The following DPEP3 variants were observed in gnomAD, a reference collection of about 807,000 sequenced individuals.
DPEP3 encodes the protein dipeptidase 3, also known as membrane-bound dipeptidase 3.
A neutral mutation model predicts 47.5 loss-of-function variants in DPEP3; 42 were observed. The ratio of observed to expected loss-of-function variants is 0.88; its 90% CI spans 0.69 to 1.14. The LOEUF (loss-of-function observed/expected upper bound fraction) is 1.14, where lower values mean the gene tolerates loss of function less well. DPEP3 is among the 50% of genes most tolerant of loss of function. The pLI is 0.00. For synonymous variants in DPEP3, 276 were observed against 270.2 expected (o/e 1.02, Z -0.21); for missense variants, 560 against 635.0 (o/e 0.88, Z 1.27).
chr16:67,977,395 T>G (rs754235984), intron 6 of DPEP3, 41 bp from the exon 7 acceptor site: 2 of 1,590,460 alleles, frequency 1.3e-6, no homozygotes, highest in Non-Finnish European at 1.7e-6. Context: ...CCTTCTGGCC[T>G]GAGAACATGC....
Position 67,977,925 on chromosome 16 carries a change from C to A in DPEP3, c.756+13G>T. 1 of 1,613,960 alleles carries A rather than the reference C, an allele frequency of 6.2e-7. No homozygotes were observed. Among genetic ancestry groups the A allele is most frequent in the African/African-American group, 1.3e-5 (1 of 75,028 alleles). ...GCAGCAGGTGGGTTGGGGTACAAAA[C>A]AGGAGTCCTCACCTCACCAAAGCTT... On this transcript the variant is annotated intron_variant, in intron 5 of 9. Transcript: ENST00000268793.
rs777266549 is a variant in DPEP3 at position 67,978,538 on chromosome 16, C to G, written c.503G>C (p.Cys168Ser). 6.2e-7 allele frequency: 1 copy of G among 1,614,110 alleles called. No individual in the cohort carries two copies. The highest frequency in any genetic ancestry group is 1.1e-5 in the South Asian group (1 of 91,080). ...AAGCTCGAGTTCAGAGTAGGAGGCA[C>G]ACATGCGGTGAATGAGGTCAATCTG... is the stretch of plus-strand genomic sequence containing the variant. ...LEQIDLIHRM[C>S]ASYSELELVT... The change falls in exon 3 of 10, where the codon TGT (cysteine) becomes TCT (serine). Residue 168 changes from cysteine (C) to serine (S), a missense_variant. Coordinates refer to ENST00000268793, the MANE Select transcript of DPEP3 (RefSeq NM_001370198.1). This position sits in a 1 kb window ranked among gnomAD's most constrained non-coding sequence, Gnocchi z 4.4.
At position 67,977,918 on chromosome 16, in the gene DPEP3, T is replaced by G; in HGVS notation, c.756+20A>C. The G allele has an allele frequency of 1.2e-6, 2 of 1,613,814 alleles. No individual in the cohort carries two copies. Among genetic ancestry groups the G allele is most frequent in the Non-Finnish European group, 8.5e-7 (1 of 1,179,846 alleles). On this transcript the variant is annotated intron_variant, in intron 5 of 9. Transcript: ENST00000268793. ...TCCGTAGGCAGCAGGTGGGTTGGGGTACAAAACAGGAGTCCTCACCTCACC... is the reference window on the plus strand; with the variant it reads ...TCCGTAGGCAGCAGGTGGGTTGGGGGACAAAACAGGAGTCCTCACCTCACC...
At chr16:67,977,231 G>A (rs1239478264) in intron 7 of DPEP3, 39 bp downstream of exon 7, 1 of 1,597,404 alleles carries the variant, frequency 6.3e-7, no homozygotes, top group Non-Finnish European at 8.6e-7. Flanking sequence ...GGCAGCCACA[G>A]CCCAAGCCAG....
chr16:67,980,187 G>A lies in DPEP3; in HGVS notation c.194C>T (p.Thr65Ile). Residue 65 changes from threonine to isoleucine, a missense_variant, in exon 1 of 10, where the codon ACT (threonine) becomes ATT (isoleucine). Physicochemically the swap from Thr to Ile is moderately conservative, Grantham distance 89 (BLOSUM62 -1). Transcript: ENST00000268793. ...GCCTGGCGTAGTGAGGCCTGGGGTAGTGAGGGCGCTGGGGACACCCGGCGT... is the reference window on the plus strand; with the variant it reads ...GCCTGGCGTAGTGAGGCCTGGGGTAATGAGGGCGCTGGGGACACCCGGCGT... ...FTTPGVPSAL[T>I]TPGLTTPGTP... 1 of 1,611,574 alleles carries A rather than the reference G, an allele frequency of 6.2e-7. No individual in the cohort carries two copies. The highest frequency in any genetic ancestry group is 8.5e-7 in the Non-Finnish European group (1 of 1,178,798).
At chr16:67,976,883 G>A (rs904069085) in intron 7 of DPEP3, 108 bp from the exon 8 acceptor site, 8 of 916,486 alleles carry the variant, frequency 8.7e-6, no homozygotes, top group Non-Finnish European at 1.0e-5. Context: ...CTAGCTCATG[G>A]CCAGTCATGA....
chr16:67,980,185 T>TA lies in DPEP3; in HGVS notation c.195dup (p.Thr66TyrfsTer34). On this transcript the variant is annotated frameshift_variant, in exon 1 of 10. Transcript: ENST00000268793. LOFTEE classifies it high-confidence loss of function. ...GTGCCTGGCGTAGTGAGGCCTGGGG[T>TA]AGTGAGGGCGCTGGGGACACCCGGC... 1 of 1,609,586 alleles carries TA rather than the reference T, an allele frequency of 6.2e-7. No individual in the cohort carries two copies. The highest frequency in any genetic ancestry group is 1.7e-5 in the Admixed American group (1 of 59,374).
Position 67,978,721 on chromosome 16 carries a change from GGTCA to G in DPEP3, c.415-99_415-96del, listed in dbSNP as rs2031257246. On this transcript the variant is annotated intron_variant, in intron 2 of 9. Coordinates refer to ENST00000268793, the MANE Select transcript of DPEP3 (RefSeq NM_001370198.1). This position sits in a 1 kb window ranked among gnomAD's most constrained non-coding sequence, Gnocchi z 4.4. ...CCTCAGACCCCATAACACCCATTTG[GGTCA>G]GTGGCCCCAAGTGAGGCACTACATG... The G allele has an allele frequency of 6.6e-7, 1 of 1,508,854 alleles. No homozygotes were observed. The highest frequency in any genetic ancestry group is 1.9e-5 in the Admixed American group (1 of 51,528). The allele number at this position is 1,508,854 out of a possible 1,614,324, so 93.5% of individuals were successfully genotyped here.
rs949013556 is a variant in DPEP3 at position 67,977,664 on chromosome 16, G to A, written c.922C>T (p.Leu308=). ...DNLLNVPDDI[L]QLLKKNGGIV... is the part of the protein sequence containing the mutation. ...GGATGGCCACTCACCAGAAGCTGCAGGATATCATCGGGAACATTCAACAAA... is the reference window on the plus strand; with the variant it reads ...GGATGGCCACTCACCAGAAGCTGCAAGATATCATCGGGAACATTCAACAAA... The change falls in exon 6 of 10, where the codon CTG becomes TTG. Residue 308 remains leucine, a synonymous_variant. Transcript: ENST00000268793. 18 of 1,611,198 alleles carry A rather than the reference G, an allele frequency of 1.1e-5. No homozygotes were observed. The highest frequency in any genetic ancestry group is 1.4e-5 in the Non-Finnish European group (17 of 1,178,804).
Position 67,975,902 on chromosome 16 carries a change from G to A in DPEP3, c.1330C>T (p.His444Tyr), listed in dbSNP as rs2031182219. 3 of 1,613,824 alleles carry A rather than the reference G, an allele frequency of 1.9e-6. No individual in the cohort carries two copies. Among genetic ancestry groups the A allele is most frequent in the East Asian group, 2.2e-5 (1 of 44,890 alleles). ...GTCACCTCCAGATGAGTAGCCTGGT[G>A]TCCATTCTGAGGCACGAGGTGGGAG... ...CHSHLVPQNG[H>Y]QATHLEVTKQ... The change falls in exon 10 of 10, where the codon CAC becomes TAC. Residue 444 changes from histidine to tyrosine, a missense_variant. By Grantham distance (83) the His-to-Tyr change is moderately conservative (BLOSUM62 2). Coordinates refer to ENST00000268793, the MANE Select transcript of DPEP3 (RefSeq NM_001370198.1).
chr16:67,978,007 C>T lies in DPEP3; in HGVS notation c.687G>A (p.Trp229Ter). ...LTLTFTCSTP[W>*]AESSTKFRHH... ...GTCTGAACTTGGTGGAACTCTCTGCCCTGCAGGACAGCCATGGAAGGGCAA... is the reference window on the plus strand; with the variant it reads ...GTCTGAACTTGGTGGAACTCTCTGCTCTGCAGGACAGCCATGGAAGGGCAA... Residue 229 changes from tryptophan (W) to a stop codon, truncating the protein, a stop_gained and splice_region_variant, in exon 5 of 10, where the codon TGG becomes TGA. Transcript: ENST00000268793. LOFTEE classifies it high-confidence loss of function. The surrounding 1 kb of genome is among the most constrained non-coding windows in gnomAD (Gnocchi z 4.4). 1.2e-6 allele frequency: 2 copies of T among 1,613,882 alleles called. No individual in the cohort carries two copies. Among genetic ancestry groups the T allele is most frequent in the South Asian group, 1.1e-5 (1 of 91,082 alleles).
At chr16:67,976,038 C>T (rs1159006455) in intron 9 of DPEP3, 37 bp from the exon 10 acceptor site, 4 of 1,613,600 alleles carry the variant, frequency 2.5e-6, no homozygotes, top group Non-Finnish European at 3.4e-6. Context: ...GCTCCCACAG[C>T]AATCCCCTCC....
At chr16:67,977,408 C>G in intron 6 of DPEP3, 54 bp from the exon 7 acceptor site, 1 of 1,560,742 alleles carries the variant, frequency 6.4e-7, no homozygotes, top group Non-Finnish European at 8.8e-7. Flanking sequence ...GAACATGCCT[C>G]CTGTGCTGTG....
chr16:67,977,268 A>T lies in DPEP3; in HGVS notation c.1018+2T>A. ...ACTGCACAAAGCTGAGGTGGGACTT[A>T]CCTGCCACAGTGGACACGTTAGCAA... On this transcript the variant is annotated splice_donor_variant, in intron 7 of 9. Coordinates refer to ENST00000268793, the MANE Select transcript of DPEP3 (RefSeq NM_001370198.1). LOFTEE classifies it high-confidence loss of function. The T allele has an allele frequency of 6.2e-7, 1 of 1,613,516 alleles. No individual in the cohort carries two copies. Among genetic ancestry groups the T allele is most frequent in the Non-Finnish European group, 8.5e-7 (1 of 1,179,742 alleles).
At position 67,978,936 on chromosome 16, in the gene DPEP3, T is replaced by C. The variant is rs1425506872; in HGVS notation, c.415-310A>G. On this transcript the variant is annotated intron_variant, in intron 2 of 9. Coordinates refer to ENST00000268793, the MANE Select transcript of DPEP3 (RefSeq NM_001370198.1). This position sits in a 1 kb window ranked among gnomAD's most constrained non-coding sequence, Gnocchi z 4.4. ...CCTCCCAAAGTGTTGGCATTACAGA[T>C]GTGAACTACCGAGCCTGGTTCCTTG... Among the ~76,000 whole-genome samples the C allele has an allele frequency of 1.3e-5, 2 of 152,098 alleles. No homozygotes were observed. Among genetic ancestry groups the C allele is most frequent in the African/African-American group, 4.8e-5 (2 of 41,428 alleles).
Position 67,979,071 on chromosome 16 carries a change from G to A in DPEP3, c.415-445C>T, listed in dbSNP as rs1415495711. Among the ~76,000 whole-genome samples the A allele has an allele frequency of 2.6e-5, 4 of 152,198 alleles. 1 individual carries two copies. Among genetic ancestry groups the A allele is most frequent in the South Asian group, 4.1e-4 (2 of 4,830 alleles). On this transcript the variant is annotated intron_variant, in intron 2 of 9. Transcript: ENST00000268793. ...TGTAATCTCCACACTGTGGGAGGCCGAGGAGGGTGGATCATGTGAGGTCAG... is the reference window on the plus strand; with the variant it reads ...TGTAATCTCCACACTGTGGGAGGCCAAGGAGGGTGGATCATGTGAGGTCAG...
At position 67,976,266 on chromosome 16, in the gene DPEP3, C is replaced by A. The variant is rs781712446; in HGVS notation, c.1095-38G>T. 7.4e-6 allele frequency: 12 copies of A among 1,610,786 alleles called. No individual in the cohort carries two copies. In the South Asian group the frequency reaches 9.9e-5, roughly 13 times the overall value. Reference sequence around the variant, plus strand: ...CCACCAGCCAGCTGTGGGACCTTAGCCCTGATCCTGGGTTGGGGCCCGCTG... The same window carrying A: ...CCACCAGCCAGCTGTGGGACCTTAGACCTGATCCTGGGTTGGGGCCCGCTG... On this transcript the variant is annotated intron_variant, in intron 8 of 9. Coordinates refer to ENST00000268793, the MANE Select transcript of DPEP3 (RefSeq NM_001370198.1).
Position 67,978,030 on chromosome 16 carries a change from CAATTTAG to C in DPEP3, c.687-30_687-24del. 6.2e-7 allele frequency: 1 copy of C among 1,613,718 alleles called. No homozygotes were observed. Among genetic ancestry groups the C allele is most frequent in the Non-Finnish European group, 8.5e-7 (1 of 1,179,724 alleles). On this transcript the variant is annotated intron_variant, in intron 4 of 9. Coordinates refer to ENST00000268793, the MANE Select transcript of DPEP3 (RefSeq NM_001370198.1). This position sits in a 1 kb window ranked among gnomAD's most constrained non-coding sequence, Gnocchi z 4.4. ...GCCCTGCAGGACAGCCATGGAAGGG[CAATTTAG>C]CTGATCACACCTTGGGCCATCACAG...
At chr16:67,979,901 G>A in intron 1 of DPEP3, 136 bp from the exon 2 acceptor site, 2 of 1,436,616 alleles carry the variant, frequency 1.4e-6, no homozygotes, top group Non-Finnish European at 9.3e-7. Flanking sequence ...GGTTGGGTTG[G>A]AGGGAGGGGG....
Sources: allele counts gnomAD v4.1 joint callset (sites outside exome capture counted in the v4.1 genomes callset), GRCh38; gene constraint gnomAD v4.1.1; non-coding constraint Gnocchi (gnomAD v3.1); transcripts MANE v1.5; gene names NCBI Gene and HGNC (gene_info 2026-07-23, HGNC 2026-07-21).